The following CDC42BPA variants were observed in gnomAD, a reference collection of about 807,000 sequenced individuals.
CDC42BPA encodes the protein CDC42 binding protein kinase alpha.
A neutral mutation model predicts 223.5 loss-of-function variants in CDC42BPA; 80 were observed. The observed-to-expected ratio is 0.36, with a 90% CI of 0.30 to 0.43. The LOEUF is 0.43. Among genes scored for constraint, CDC42BPA ranks in the 20% least tolerant of loss-of-function variants. CDC42BPA has a pLI of 1.00. For synonymous variants in CDC42BPA, 694 were observed against 718.6 expected (o/e 0.97, Z 0.55); for missense variants, 1,743 against 2,099.9 (o/e 0.83, Z 3.32).
At chr1:227,309,714 T>C (rs75162192) in intron 1 of CDC42BPA, among the ~76,000 whole-genome samples, 1 of 152,244 alleles carries the variant, frequency 6.6e-6, no homozygotes, top group African/African-American at 2.4e-5. Context: ...TGACAATTTC[T>C]GTATTTAATG....
chr1:227,147,773 T>C (rs1444636015), intron 6 of CDC42BPA, among the ~76,000 whole-genome samples: 1 of 152,150 alleles, frequency 6.6e-6, no homozygotes, highest in Non-Finnish European at 1.5e-5. Flanking sequence ...TTTATTATAG[T>C]GTTACTTAAC....
intron 23 of CDC42BPA, among the ~76,000 whole-genome samples, chr1:227,044,408 A>C (rs374809646): frequency 6.8e-6 from 1 of 147,368 alleles, no homozygotes. Context: ...AGTCACAAAA[A>C]ATTTTTCTAC....
intron 5 of CDC42BPA, among the ~76,000 whole-genome samples, chr1:227,165,876 C>CT (rs1251152568): frequency 6.6e-6 from 1 of 152,010 alleles, no homozygotes; most frequent in African/African-American, 2.4e-5. Flanking sequence ...TCAATATAAC[C>CT]TTTTTTTGTA....
intron 17 of CDC42BPA, 134 bp from the exon 18 acceptor site, chr1:227,074,498 C>G (rs1175313931): frequency 1.9e-5 from 12 of 631,668 alleles, no homozygotes; most frequent in Non-Finnish European, 2.7e-6. Context: ...TTGAAAAGGT[C>G]TACCATAGTA....
chr1:227,070,325 C>T (rs1016914800), intron 20 of CDC42BPA, among the ~76,000 whole-genome samples: 1 of 151,708 alleles, frequency 6.6e-6, no homozygotes, highest in Middle Eastern at 3.2e-3. Flanking sequence ...AAAAAAACTG[C>T]CAATCTGATT....
At chr1:227,239,454 G>C (rs1449052434) in intron 2 of CDC42BPA, among the ~76,000 whole-genome samples, 3 of 152,142 alleles carry the variant, frequency 2.0e-5, no homozygotes, top group Non-Finnish European at 4.4e-5. Context: ...TAGTTTCCTG[G>C]ATTGTAACAA....
chr1:227,095,764 G>A (rs1024039894), intron 15 of CDC42BPA, among the ~76,000 whole-genome samples: 5 of 152,006 alleles, frequency 3.3e-5, no homozygotes, highest in African/African-American at 7.2e-5. Context: ...GCTAATTTTT[G>A]TATTTTCAGT....
chr1:227,196,570 A>C (rs910558465), intron 4 of CDC42BPA, among the ~76,000 whole-genome samples: 2 of 151,868 alleles, frequency 1.3e-5, no homozygotes, highest in Admixed American at 1.3e-4. Context: ...CGATCTCCTG[A>C]CCTCATGATC....
chr1:227,244,353 A>G (rs1053148631), intron 2 of CDC42BPA, among the ~76,000 whole-genome samples: 5 of 152,232 alleles, frequency 3.3e-5, no homozygotes, highest in Admixed American at 1.3e-4. Context: ...ATGAATTACA[A>G]AAGTGTACTG....
At chr1:227,144,082 A>G (rs1156961914) in intron 8 of CDC42BPA, among the ~76,000 whole-genome samples, 2 of 152,220 alleles carry the variant, frequency 1.3e-5, no homozygotes, top group Non-Finnish European at 2.9e-5. Flanking sequence ...TCAGTTATCA[A>G]ACAGTGATCA....
rs750686607 is a variant in CDC42BPA, at chr1:227,005,090, G to A, written c.4879C>T (p.Arg1627Trp). 1.5e-5 allele frequency: 24 copies of A among 1,613,652 alleles called. No homozygotes were observed. The highest frequency in any genetic ancestry group is 1.9e-5 in the Non-Finnish European group (22 of 1,179,656). ...LPMNPRPQES[R>W]TVFSGSVSIP... ...CTGACTGAGCCACTGAATACTGTCCGACTTTCCTGAGGCCGAGGGTTCTAT... is the reference window on the plus strand; with the variant it reads ...CTGACTGAGCCACTGAATACTGTCCAACTTTCCTGAGGCCGAGGGTTCTAT... The change falls in exon 35 of 37, where the codon CGG (arginine) becomes TGG (tryptophan). Residue 1627 changes from arginine (R) to tryptophan (W), a missense_variant. By Grantham distance (101) the Arg-to-Trp change is moderately radical. Around this residue, in one of 6 missense-constraint regions of CDC42BPA, gnomAD observed 200 missense variants for 192.8 expected, o/e 1.04. Coordinates refer to ENST00000366766, the MANE Select transcript of CDC42BPA (RefSeq NM_001394014.1).
chr1:227,088,656 T>G (rs1055049113), intron 16 of CDC42BPA, among the ~76,000 whole-genome samples: 1 of 152,210 alleles, frequency 6.6e-6, no homozygotes, highest in Non-Finnish European at 1.5e-5. Flanking sequence ...CTCACTGGCA[T>G]AAATGGCTGA....
Position 227,074,298 on chromosome 1 carries a change from C to T in CDC42BPA, c.2547G>A (p.Leu849=). 1 of 1,613,726 alleles carries T rather than the reference C, an allele frequency of 6.2e-7. No individual in the cohort carries two copies. Among genetic ancestry groups the T allele is most frequent in the Non-Finnish European group, 8.5e-7 (1 of 1,179,732 alleles). The change falls in exon 18 of 37, where the codon TTG becomes TTA. Residue 849 remains leucine, a synonymous_variant. Coordinates refer to ENST00000366766, the MANE Select transcript of CDC42BPA (RefSeq NM_001394014.1). ...CCAAGCTGGAATTTCTTAATGCCTC[C>T]AATTCTTCAGTCATTTTAGAAGCTA... is the stretch of plus-strand genomic sequence containing the variant. ...QALASKMTEE[L]EALRNSSLGT...
At chr1:227,173,991 A>C (rs760977622) in intron 5 of CDC42BPA, among the ~76,000 whole-genome samples, 3 of 152,290 alleles carry the variant, frequency 2.0e-5, no homozygotes, top group Middle Eastern at 3.4e-3. Context: ...CTGAAATACC[A>C]ACTGAACTGT....
intron 1 of CDC42BPA, chr1:227,265,097 C>CA (rs1684759031): frequency 2.6e-6 from 2 of 773,498 alleles, no homozygotes; most frequent in Non-Finnish European, 4.8e-6. Flanking sequence ...GTAAAACTAA[C>CA]AGTACCAAAT....
chr1:226,994,522 G>A lies in CDC42BPA; in HGVS notation c.5134-123C>T, dbSNP rs974969160. 1 of 1,179,230 alleles carries A rather than the reference G, an allele frequency of 8.5e-7. No individual in the cohort carries two copies. The allele number at this position is 1,179,230 out of a possible 1,614,324, so 73.0% of individuals were successfully genotyped here. On this transcript the variant is annotated intron_variant, in intron 36 of 36. Coordinates refer to ENST00000366766, the MANE Select transcript of CDC42BPA (RefSeq NM_001394014.1). This position sits in a 1 kb window ranked among gnomAD's most constrained non-coding sequence, Gnocchi z 4.0. ...AATAACCCCATGGGGCGGCCTCACT[G>A]TCGGTATAAAGCCCCTTCTATGAGC...
intron 1 of CDC42BPA, among the ~76,000 whole-genome samples, chr1:227,268,665 T>C (rs61834625): frequency 0.12 from 16,861 of 145,116 alleles, 1,183 homozygotes; most frequent in South Asian, 0.19. Flanking sequence ...TATATATATA[T>C]ACATATATAT....
At chr1:227,120,311 T>C (rs543359845) in intron 11 of CDC42BPA, among the ~76,000 whole-genome samples, 7 of 152,182 alleles carry the variant, frequency 4.6e-5, no homozygotes, top group Admixed American at 1.3e-4. Context: ...CTGATGTTAG[T>C]CAAATTACCG....
chr1:227,192,131 T>C (rs1669825517), intron 5 of CDC42BPA, among the ~76,000 whole-genome samples: 1 of 152,182 alleles, frequency 6.6e-6, no homozygotes, highest in Admixed American at 6.5e-5. Context: ...GTAGTCTTCC[T>C]TTAATAATGT....
Sources: allele counts gnomAD v4.1 joint callset (sites outside exome capture counted in the v4.1 genomes callset), GRCh38; gene constraint gnomAD v4.1.1; regional missense constraint gnomAD v4.1.1; non-coding constraint Gnocchi (gnomAD v3.1); transcripts MANE v1.5; gene names NCBI Gene and HGNC (gene_info 2026-07-23, HGNC 2026-07-21).